WDPCP: variants seen among roughly 807,000 people sequenced by gnomAD.
The protein encoded by WDPCP is WD repeat containing planar cell polarity effector, also known as WD repeat-containing and planar cell polarity effector protein fritz homolog.
A neutral mutation model predicts 93.1 loss-of-function variants in WDPCP; 71 were observed. That is an observed-to-expected ratio of 0.76 (90% CI 0.63 to 0.93). The LOEUF (loss-of-function observed/expected upper bound fraction) is 0.93, where lower values mean the gene tolerates loss of function less well. WDPCP is among the 40% of genes least tolerant of loss of function. The pLI is 0.00. For synonymous variants in WDPCP, 315 were observed against 315.0 expected (o/e 1.00, Z 0.00); for missense variants, 844 against 887.4 (o/e 0.95, Z 0.62).
At chr2:63,323,080 G>A (rs1462923361) in intron 12 of WDPCP, among the ~76,000 whole-genome samples, 2 of 152,222 alleles carry the variant, frequency 1.3e-5, no homozygotes, top group African/African-American at 4.8e-5. Flanking sequence ...TCGACAGAGA[G>A]GAAAGCCATT....
intron 2 of WDPCP, among the ~76,000 whole-genome samples, chr2:63,730,095 G>A (rs1669538554): frequency 6.6e-6 from 1 of 152,128 alleles, no homozygotes; most frequent in African/African-American, 2.4e-5. Flanking sequence ...GAGTAAGTGT[G>A]AACATGGACA....
At chr2:63,427,532 T>G (rs776004276) in intron 9 of WDPCP, among the ~76,000 whole-genome samples, 4 of 152,180 alleles carry the variant, frequency 2.6e-5, no homozygotes, top group Non-Finnish European at 2.9e-5. Context: ...TAAAATTTTT[T>G]GAAATCAACG....
intron 14 of WDPCP, among the ~76,000 whole-genome samples, chr2:63,223,153 G>C (rs984293855): frequency 6.6e-6 from 1 of 152,050 alleles, no homozygotes; most frequent in Non-Finnish European, 1.5e-5. Context: ...GAGAAAGCTA[G>C]CAATTCCTAT....
chr2:63,542,186 T>C (rs1347171740), intron 1 of WDPCP, among the ~76,000 whole-genome samples: 1 of 152,172 alleles, frequency 6.6e-6, no homozygotes, highest in Non-Finnish European at 1.5e-5. Flanking sequence ...ATTACCTAAA[T>C]GAAACTATTT....
rs1457452979 is a variant in WDPCP, at chr2:63,493,633, C to CT, written c.76-694dup. On this transcript the variant is annotated intron_variant, in intron 1 of 17. Transcript: ENST00000272321. ...GGGCTAGGGATGGACACTATGAATA[C>CT]TTTTTTTTTTTAATCAAGTACTACC... 4.3e-4 allele frequency among the ~76,000 whole-genome samples: 62 copies of CT among 144,304 alleles called. 1 individual carries two copies. Among genetic ancestry groups the CT allele is most frequent in the African/African-American group, 8.9e-4 (35 of 39,446 alleles). The allele number at this position is 144,304 out of a possible 152,430, so 94.7% of individuals were successfully genotyped here.
intron 2 of WDPCP, among the ~76,000 whole-genome samples, chr2:63,767,495 C>T (rs1264001432): frequency 6.6e-6 from 1 of 152,140 alleles, no homozygotes; most frequent in Non-Finnish European, 1.5e-5. Flanking sequence ...TCCATAACCT[C>T]TCCAAAACTT....
intron 9 of WDPCP, among the ~76,000 whole-genome samples, chr2:63,405,070 C>G (rs897380041): frequency 2.0e-5 from 3 of 152,072 alleles, no homozygotes; most frequent in Admixed American, 1.3e-4. Flanking sequence ...TAAGAACTTA[C>G]CAACACAAAG....
intron 3 of WDPCP, among the ~76,000 whole-genome samples, chr2:63,618,770 A>C (rs1384725991): frequency 1.3e-5 from 2 of 150,282 alleles, no homozygotes; most frequent in Non-Finnish European, 2.9e-5. Flanking sequence ...CGCTCACCGC[A>C]ATCTCTGCCT....
At chr2:63,575,419 CTGTATACAGTGTATATACAG>C (rs1707910787) in intron 1 of WDPCP, among the ~76,000 whole-genome samples, 1 of 65,558 alleles carries the variant, frequency 1.5e-5, no homozygotes, top group African/African-American at 1.2e-4. Flanking sequence ...AGTATATACA[CTGTATACAGTGTATATACAG>C]TGTATACACT....
intron 2 of WDPCP, among the ~76,000 whole-genome samples, chr2:63,682,881 T>G (rs1195814675): frequency 6.6e-6 from 1 of 151,688 alleles, no homozygotes; most frequent in African/African-American, 2.4e-5. Context: ...ACAATAACTA[T>G]AACAACTTTT....
chr2:63,683,428 A>G (rs956125985), intron 2 of WDPCP, among the ~76,000 whole-genome samples: 7 of 152,222 alleles, frequency 4.6e-5, no homozygotes, highest in African/African-American at 9.6e-5. Context: ...TGGAAACCAA[A>G]AGAGAGCAGG....
intron 3 of WDPCP, among the ~76,000 whole-genome samples, chr2:63,623,291 C>T (rs529175061): frequency 3.3e-5 from 5 of 152,236 alleles, no homozygotes; most frequent in South Asian, 4.1e-4. Context: ...GGCAAAATAA[C>T]CAGCTAGCAT....
intron 14 of WDPCP, among the ~76,000 whole-genome samples, chr2:63,221,331 T>C (rs1013479654): frequency 6.6e-5 from 10 of 152,184 alleles, no homozygotes; most frequent in Admixed American, 2.6e-4. Flanking sequence ...CTTTCCACAA[T>C]TGCATACATA....
chr2:63,548,671 T>G (rs1304778633), intron 1 of WDPCP, among the ~76,000 whole-genome samples: 2 of 152,048 alleles, frequency 1.3e-5, no homozygotes, highest in Admixed American at 1.3e-4. Context: ...TTTCCTTTTT[T>G]TTTTTTGAGA....
chr2:63,325,796 A>G (rs562911026), intron 12 of WDPCP, among the ~76,000 whole-genome samples: 15 of 152,314 alleles, frequency 9.8e-5, no homozygotes, highest in African/African-American at 3.4e-4. Context: ...TGAAAAGAAA[A>G]TCAACCCTGA....
intron 2 of WDPCP, among the ~76,000 whole-genome samples, chr2:63,808,952 G>A (rs1670815785): frequency 6.6e-6 from 1 of 151,788 alleles, no homozygotes; most frequent in Non-Finnish European, 1.5e-5. Flanking sequence ...TCTCTGCCCG[G>A]CCTCCCATCA....
At chr2:63,381,830 AC>A (rs1692331596) in intron 11 of WDPCP, 75 bp downstream of exon 11, 1 of 1,505,942 alleles carries the variant, frequency 6.6e-7, no homozygotes, top group Non-Finnish European at 9.1e-7. Context: ...CTCAAAAACA[AC>A]CTCAAAAAAT....
rs115455845 is a variant in WDPCP, at chr2:63,622,920, G to C, written n.488+27739C>G. On this transcript the variant is annotated intron_variant and non_coding_transcript_variant, in intron 3 of 4. Coordinates refer to the WDPCP transcript ENST00000467687. ...CGGGGGCCGGGCCAGGCCGGGGCTC[G>C]GCGCACACCTGCTGCCAGGCTCGTA... 2.1e-3 allele frequency: 2,325 copies of C among 1,086,508 alleles called. 34 individuals carry two copies. In the African/African-American group the frequency reaches 0.032, roughly 15 times the overall value. The allele number at this position is 1,086,508 out of a possible 1,614,324, so 67.3% of individuals were successfully genotyped here.
chr2:63,660,614 T>C (rs1409253780), intron 2 of WDPCP, among the ~76,000 whole-genome samples: 2 of 152,138 alleles, frequency 1.3e-5, no homozygotes, highest in Non-Finnish European at 2.9e-5. Context: ...TGTACCCCCC[T>C]GTATCTAAAA....
Sources: allele counts gnomAD v4.1 joint callset (sites outside exome capture counted in the v4.1 genomes callset), GRCh38; gene constraint gnomAD v4.1.1; transcripts MANE v1.5; gene names NCBI Gene and HGNC (gene_info 2026-07-23, HGNC 2026-07-21).